CHMP4B: variants seen among roughly 807,000 people sequenced by gnomAD.
CHMP4B encodes charged multivesicular body protein 4B.
Under a neutral mutation model 25.1 loss-of-function variants are expected in CHMP4B, and 1 was observed. That is an observed-to-expected ratio of 0.04 (90% CI 0.01 to 0.19). The LOEUF (loss-of-function observed/expected upper bound fraction) is 0.19. Among genes scored for constraint, CHMP4B ranks in the 10% least tolerant of loss-of-function variants. The pLI, the probability that CHMP4B is intolerant of heterozygous loss-of-function variation, is 1.00. For missense variants in CHMP4B, 151 were observed against 289.7 expected (o/e 0.52, Z 3.48); for synonymous variants, 101 against 115.6 (o/e 0.87, Z 0.81).
intron 1 of CHMP4B, among the ~76,000 whole-genome samples, chr20:33,826,230 A>T (rs1297449838): frequency 6.6e-6 from 1 of 152,190 alleles, no homozygotes; most frequent in Non-Finnish European, 1.5e-5. Flanking sequence ...GGGGGATGGC[A>T]GGGATTCTGA....
chr20:33,825,661 A>G (rs1979074904), intron 1 of CHMP4B, among the ~76,000 whole-genome samples: 1 of 152,198 alleles, frequency 6.6e-6, no homozygotes, highest in Non-Finnish European at 1.5e-5. Context: ...AAGAAGAGGT[A>G]TTTGGCTGGA....
chr20:33,821,312 C>T (rs888894046), intron 1 of CHMP4B, among the ~76,000 whole-genome samples: 1 of 145,774 alleles, frequency 6.9e-6, no homozygotes, highest in Non-Finnish European at 1.5e-5. Context: ...GCTTGAACCA[C>T]GGAAGTGGAG....
At chr20:33,837,916 C>T (rs1979432094) in intron 1 of CHMP4B, among the ~76,000 whole-genome samples, 1 of 152,186 alleles carries the variant, frequency 6.6e-6, no homozygotes, top group Non-Finnish European at 1.5e-5. Flanking sequence ...TATATGGGTT[C>T]ACCTATTGTT....
chr20:33,819,766 A>G (rs984273530), intron 1 of CHMP4B, among the ~76,000 whole-genome samples: 11 of 152,322 alleles, frequency 7.2e-5, no homozygotes, highest in African/African-American at 2.6e-4. Context: ...AAGCCTCCTC[A>G]TGTCTCTGAA....
chr20:33,829,353 C>T lies in CHMP4B; in HGVS notation c.190+17695C>T, dbSNP rs190540165. Among the ~76,000 whole-genome samples the T allele has an allele frequency of 1.1e-4, 16 of 152,294 alleles. No individual in the cohort carries two copies. In the East Asian group the frequency reaches 2.9e-3, roughly 28 times the overall value. ...GGTACTTGGAGAGGTGCAGGCCCAGCCGAGAATGCCCATCTGTGGTGTTTG... is the reference window on the plus strand; with the variant it reads ...GGTACTTGGAGAGGTGCAGGCCCAGTCGAGAATGCCCATCTGTGGTGTTTG... On this transcript the variant is annotated intron_variant, in intron 1 of 4. Transcript: ENST00000217402.
Position 33,824,418 on chromosome 20 carries a change from G to C in CHMP4B, c.190+12760G>C, listed in dbSNP as rs996703042. 2.6e-5 allele frequency among the ~76,000 whole-genome samples: 4 copies of C among 152,330 alleles called. No individual in the cohort carries two copies. In the East Asian group the frequency reaches 7.7e-4, roughly 29 times the overall value. Reference sequence around the variant, plus strand: ...GTAGTGGGTGTGGTCAGGTTGAGGAGCACAAGGTTGGGGTTGGGGTGTGGG... The same window carrying C: ...GTAGTGGGTGTGGTCAGGTTGAGGACCACAAGGTTGGGGTTGGGGTGTGGG... On this transcript the variant is annotated intron_variant, in intron 1 of 4. Coordinates refer to ENST00000217402, the MANE Select transcript of CHMP4B (RefSeq NM_176812.5).
intron 1 of CHMP4B, among the ~76,000 whole-genome samples, chr20:33,845,991 A>C (rs1675991205): frequency 6.6e-6 from 1 of 152,194 alleles, no homozygotes; most frequent in Non-Finnish European, 1.5e-5. Flanking sequence ...AGGCCATATT[A>C]AACCATATGG....
chr20:33,847,773 C>T (rs761651676), intron 1 of CHMP4B, among the ~76,000 whole-genome samples: 1 of 152,100 alleles, frequency 6.6e-6, no homozygotes, highest in Non-Finnish European at 1.5e-5. Flanking sequence ...AGGCATGGGG[C>T]TTCTTGCTTT....
intron 1 of CHMP4B, among the ~76,000 whole-genome samples, chr20:33,844,019 T>C (rs565485775): frequency 6.6e-6 from 1 of 152,234 alleles, no homozygotes; most frequent in Non-Finnish European, 1.5e-5. Flanking sequence ...GAGAGTTCAC[T>C]GCGAAGAGGG....
intron 1 of CHMP4B, among the ~76,000 whole-genome samples, chr20:33,839,294 G>A (rs1389002604): frequency 6.6e-6 from 1 of 152,138 alleles, no homozygotes; most frequent in African/African-American, 2.4e-5. Context: ...TGGGCGTTAT[G>A]GAGTGCCCCT....
chr20:33,853,630 T>C lies in CHMP4B; in HGVS notation c.*70T>C. 7.2e-7 allele frequency: 1 copy of C among 1,389,608 alleles called. No individual in the cohort carries two copies. Among genetic ancestry groups the C allele is most frequent in the Non-Finnish European group, 1.0e-6 (1 of 976,954 alleles). The allele number at this position is 1,389,608 out of a possible 1,614,324, so 86.1% of individuals were successfully genotyped here. On this transcript the variant is annotated 3_prime_UTR_variant, in exon 5 of 5. Transcript: ENST00000217402. The stretch of plus-strand genomic sequence containing the variant: ...CGCAGCGAGCAGGCGTGTGCGTGTG[T>C]GGGGCAGGCAGGATGTGGTGCAGGC...
chr20:33,842,303 G>C (rs1979565898), intron 1 of CHMP4B, among the ~76,000 whole-genome samples: 1 of 152,056 alleles, frequency 6.6e-6, no homozygotes, highest in African/African-American at 2.4e-5. Context: ...GGGTGGTATG[G>C]CCGTAGACTT....
At chr20:33,817,528 G>A (rs1002142680) in intron 1 of CHMP4B, among the ~76,000 whole-genome samples, 2 of 149,952 alleles carry the variant, frequency 1.3e-5, no homozygotes, top group Non-Finnish European at 3.0e-5. Flanking sequence ...AGTGTGGAGC[G>A]AGGTCTTGGA....
intron 1 of CHMP4B, among the ~76,000 whole-genome samples, chr20:33,834,668 A>T (rs977215595): frequency 2.6e-5 from 4 of 152,060 alleles, no homozygotes; most frequent in African/African-American, 9.7e-5. Flanking sequence ...TTTTATTTTC[A>T]TTCAGTTCAA....
At chr20:33,842,349 A>C (rs1312263964) in intron 1 of CHMP4B, among the ~76,000 whole-genome samples, 1 of 152,208 alleles carries the variant, frequency 6.6e-6, no homozygotes, top group Admixed American at 6.5e-5. Flanking sequence ...CACACAGGGC[A>C]GATGACAGAT....
chr20:33,842,601 G>T (rs1311554470), intron 1 of CHMP4B, among the ~76,000 whole-genome samples: 1 of 152,200 alleles, frequency 6.6e-6, no homozygotes, highest in Non-Finnish European at 1.5e-5. Context: ...TCTTCAGAAT[G>T]CTCACTTAGG....
At chr20:33,852,052 C>T in intron 3 of CHMP4B, 25 bp from the exon 4 acceptor site, 2 of 1,613,298 alleles carry the variant, frequency 1.2e-6, no homozygotes, top group Non-Finnish European at 1.7e-6. Flanking sequence ...AGGGAGGGCG[C>T]TCACTTTGTG....
intron 1 of CHMP4B, among the ~76,000 whole-genome samples, chr20:33,825,939 T>C (rs977983670): frequency 6.6e-6 from 1 of 152,158 alleles, no homozygotes; most frequent in Non-Finnish European, 1.5e-5. Context: ...AGCTGTTTGG[T>C]TTTATCAGGT....
chr20:33,839,007 C>T (rs1979463145), intron 1 of CHMP4B, among the ~76,000 whole-genome samples: 1 of 152,140 alleles, frequency 6.6e-6, no homozygotes, highest in Admixed American at 6.5e-5. Context: ...TACTTTGGGT[C>T]TCTGCTACTT....
Sources: gnomAD v4.1 joint callset for allele counts (sites outside exome capture counted in the v4.1 genomes callset) on GRCh38, gnomAD v4.1.1 for gene constraint, MANE v1.5 for transcripts, NCBI Gene and HGNC (gene_info 2026-07-23, HGNC 2026-07-21) for gene names.